The following SPATA31H1 variants were observed in gnomAD, a reference collection of about 807,000 sequenced individuals.
SPATA31H1 encodes the protein SPATA31 subfamily H member 1, also known as spermatogenesis-associated protein 31H1.
chr2:27,566,594 A>T, the SPATA31H1 span: 1 of 581,802 alleles, frequency 1.7e-6, no homozygotes, highest in Non-Finnish European at 3.1e-6. Context: ...AATTATTTCT[A>T]TAAGTAATTG....
At chr2:27,579,435 G>A in the SPATA31H1 span, 1 of 1,614,206 alleles carries the variant, frequency 6.2e-7, no homozygotes, top group Non-Finnish European at 8.5e-7. Context: ...TCAGCCTTCT[G>A]TGGTCAAAAA....
the SPATA31H1 span, chr2:27,537,571 G>T: frequency 1.4e-6 from 1 of 717,208 alleles, no homozygotes; most frequent in Admixed American, 2.0e-5. Context: ...AAACTCAGAG[G>T]TATGTGATGT....
the SPATA31H1 span, chr2:27,575,812 A>G: frequency 5.0e-6 from 2 of 398,320 alleles, no homozygotes; most frequent in Non-Finnish European, 4.4e-6. This position sits in a 1 kb window ranked among gnomAD's most constrained non-coding sequence, Gnocchi z 4.1. Context: ...TTCATTCCAC[A>G]GCCAAAAGCT....
chr2:27,558,727 C>G, the SPATA31H1 span, among the ~76,000 whole-genome samples: 3 of 62,618 alleles, frequency 4.8e-5, no homozygotes, highest in Non-Finnish European at 9.8e-5. Flanking sequence ...AGCGAAACCC[C>G]GTCTCCACCA....
the SPATA31H1 span, chr2:27,573,509 T>G: frequency 5.0e-6 from 2 of 398,528 alleles, no homozygotes; most frequent in African/African-American, 4.1e-5. Context: ...GTATACAACC[T>G]TTGACATCAC....
the SPATA31H1 span, chr2:27,570,267 G>A: frequency 5.0e-6 from 2 of 398,690 alleles, no homozygotes; most frequent in African/African-American, 4.1e-5. Flanking sequence ...TATGAAATCT[G>A]TTCTGTCTAC....
At chr2:27,544,784 G>A in the SPATA31H1 span, among the ~76,000 whole-genome samples, 1 of 151,794 alleles carries the variant, frequency 6.6e-6, no homozygotes, top group South Asian at 2.1e-4. Flanking sequence ...CTGACCTCAG[G>A]TGATCCGCCC....
the SPATA31H1 span, among the ~76,000 whole-genome samples, chr2:27,553,814 CG>C: frequency 4.0e-5 from 6 of 151,598 alleles, no homozygotes; most frequent in Non-Finnish European, 8.8e-5. Context: ...CCCAGCTACT[CG>C]GGAGGCTGAG....
chr2:27,574,009 A>T, the SPATA31H1 span: 5 of 398,414 alleles, frequency 1.3e-5, no homozygotes, highest in Non-Finnish European at 2.2e-5. Flanking sequence ...CAAGACATGA[A>T]GTTTAGAGAG....
At chr2:27,579,335 C>T in the SPATA31H1 span, 1 of 1,614,206 alleles carries the variant, frequency 6.2e-7, no homozygotes, top group African/African-American at 1.3e-5. Flanking sequence ...CTGCAGATAC[C>T]TGTCAATCTA....
At chr2:27,581,277 C>G in the SPATA31H1 span, 1 of 1,614,222 alleles carries the variant, frequency 6.2e-7, no homozygotes. Context: ...CCATCGCAGT[C>G]CCTCTGAGAG....
At chr2:27,573,602 A>G in the SPATA31H1 span, 1 of 398,500 alleles carries the variant, frequency 2.5e-6, no homozygotes, top group South Asian at 1.3e-4. Flanking sequence ...CATGTGGCCC[A>G]ATTTCAACAT....
chr2:27,550,609 G>A, the SPATA31H1 span, among the ~76,000 whole-genome samples: 1 of 151,212 alleles, frequency 6.6e-6, no homozygotes, highest in Non-Finnish European at 1.5e-5. Flanking sequence ...AGTAGAGATG[G>A]GATTTCACCA....
At chr2:27,547,167 CAACTTTG>C in the SPATA31H1 span, among the ~76,000 whole-genome samples, 2 of 150,878 alleles carry the variant, frequency 1.3e-5, no homozygotes, top group Non-Finnish European at 2.9e-5. Flanking sequence ...GTAAGTCTTC[CAACTTTG>C]ATCTTTTTTT....
chr2:27,578,665 T>C, the SPATA31H1 span: 8 of 1,614,034 alleles, frequency 5.0e-6, no homozygotes, highest in Non-Finnish European at 6.8e-6. Flanking sequence ...CCTAAAGTTA[T>C]GGAAACTGAG....
At chr2:27,572,095 A>G in the SPATA31H1 span, 1 of 398,476 alleles carries the variant, frequency 2.5e-6, no homozygotes, top group South Asian at 1.3e-4. Flanking sequence ...GTAGACCTCA[A>G]GTCTGACCTA....
chr2:27,580,344 C>G, the SPATA31H1 span: 2 of 1,614,142 alleles, frequency 1.2e-6, no homozygotes, highest in Non-Finnish European at 1.7e-6. Context: ...TGAATTCACT[C>G]AAGTTCACAA....
At chr2:27,547,367 G>T in the SPATA31H1 span, among the ~76,000 whole-genome samples, 1 of 151,678 alleles carries the variant, frequency 6.6e-6, no homozygotes, top group Admixed American at 6.6e-5. Context: ...TAGAGATAAG[G>T]TTTAACCATG....
the SPATA31H1 span, chr2:27,575,355 G>C: frequency 2.5e-6 from 1 of 398,500 alleles, no homozygotes; most frequent in Non-Finnish European, 4.4e-6. This position sits in a 1 kb window ranked among gnomAD's most constrained non-coding sequence, Gnocchi z 4.1. Flanking sequence ...GTTCAATCCT[G>C]AGCCACATCT....
Sources: allele counts gnomAD v4.1 joint callset (sites outside exome capture counted in the v4.1 genomes callset), GRCh38; gene constraint gnomAD v4.1.1; non-coding constraint Gnocchi (gnomAD v3.1); transcripts MANE v1.5; gene names NCBI Gene and HGNC (gene_info 2026-07-23, HGNC 2026-07-21).